LRP1: variants seen among roughly 807,000 people sequenced by gnomAD.
LRP1 encodes the protein prolow-density lipoprotein receptor-related protein 1.
A neutral mutation model predicts 541.5 loss-of-function variants in LRP1; 51 were observed. That is an observed-to-expected ratio of 0.09 (90% CI 0.08 to 0.12). The LOEUF is 0.12. LRP1 is among the 10% of genes least tolerant of loss of function. LRP1 has a pLI of 1.00. For missense variants in LRP1, 3,878 were observed against 6,376.2 expected (o/e 0.61, Z 13.34); for synonymous variants, 2,219 against 2,470.8 (o/e 0.90, Z 3.02).
chr12:57,180,177 C>T (rs374138106), intron 31 of LRP1, 36 bp downstream of exon 31: 1 of 1,602,784 alleles, frequency 6.2e-7, no homozygotes, highest in Admixed American at 1.7e-5. Context: ...CAGCCCCTCC[C>T]TAATTCCTTG....
chr12:57,195,423 C>A (rs757802785), intron 52 of LRP1, 24 bp downstream of exon 52: 3 of 1,598,958 alleles, frequency 1.9e-6, no homozygotes, highest in South Asian at 2.2e-5. Flanking sequence ...CCACGTGGAG[C>A]GGGTGGACAG....
chr12:57,138,638 G>A (rs1036902703), intron 2 of LRP1, 57 bp downstream of exon 2: 3 of 1,599,360 alleles, frequency 1.9e-6, no homozygotes, highest in African/African-American at 2.7e-5. Flanking sequence ...CTCTTCCTTT[G>A]GCAGATGTTT....
In LRP1 at chr12:57,183,591, A is replaced by G; in HGVS notation, c.5794+81A>G. ...TGTGGTGTGCCCTGAGGGTCCAGTG[A>G]GAGGCTGCCTGAATTGGCCTGAGGT... On this transcript the variant is annotated intron_variant, in intron 35 of 88. Transcript: ENST00000243077. This position sits in a 1 kb window ranked among gnomAD's most constrained non-coding sequence, Gnocchi z 6.1. 3.3e-6 allele frequency: 5 copies of G among 1,534,904 alleles called. No homozygotes were observed. The highest frequency in any genetic ancestry group is 4.4e-6 in the Non-Finnish European group (5 of 1,136,160).
intron 60 of LRP1, 57 bp downstream of exon 60, chr12:57,198,727 G>C: frequency 6.7e-7 from 1 of 1,491,686 alleles, no homozygotes; most frequent in Non-Finnish European, 9.1e-7. Flanking sequence ...ATGGAGGTCT[G>C]AAGCGACAGG....
rs774209819 is a variant in LRP1, at chr12:57,200,431, C to G, written c.10015-11C>G. ...CCCCACCAACCCCTCTTGCCCCCAC[C>G]TGCCCTCCAGTTTGTATGCAAGAAC... is the stretch of plus-strand genomic sequence containing the variant. On this transcript the variant is annotated splice_polypyrimidine_tract_variant and intron_variant, in intron 62 of 88. Coordinates refer to ENST00000243077, the MANE Select transcript of LRP1 (RefSeq NM_002332.3). 7 of 1,584,764 alleles carry G rather than the reference C, an allele frequency of 4.4e-6. No homozygotes were observed. The highest frequency in any genetic ancestry group is 6.1e-6 in the Non-Finnish European group (7 of 1,153,680).
chr12:57,204,544 G>A lies in LRP1; in HGVS notation c.11071+15G>A, dbSNP rs750799068. 1.7e-5 allele frequency: 28 copies of A among 1,605,742 alleles called. No individual in the cohort carries two copies. The highest frequency in any genetic ancestry group is 1.7e-4 in the Middle Eastern group (1 of 6,036). ...CGAGGAGTGTGGTGAGATTTGGGGC[G>A]GGGCTCCCAGGCTTCCCAGTGGCCA... On this transcript the variant is annotated intron_variant, in intron 71 of 88. Coordinates refer to ENST00000243077, the MANE Select transcript of LRP1 (RefSeq NM_002332.3). The surrounding 1 kb of genome is among the most constrained non-coding windows in gnomAD (Gnocchi z 5.3).
chr12:57,134,354 A>C (rs1429242483), intron 1 of LRP1, among the ~76,000 whole-genome samples: 4 of 151,930 alleles, frequency 2.6e-5, no homozygotes, highest in Non-Finnish European at 5.9e-5. Flanking sequence ...CTCCTCTCTG[A>C]GGAGCCCTGA....
chr12:57,185,646 G>C lies in LRP1; in HGVS notation c.6579G>C (p.Ser2193=). Residue 2193 remains serine (S), a synonymous_variant, in exon 41 of 89, where the codon TCG becomes TCC. Transcript: ENST00000243077. This position sits in a 1 kb window ranked among gnomAD's most constrained non-coding sequence, Gnocchi z 4.9. ...GGATGCTGGCTGAAGACGGAGCATC[G>C]TGCCGCGAGTATGCCGGCTACCTGC... ...AHGMLAEDGA[S]CREYAGYLLY... is the part of the protein sequence containing the mutation. 6.2e-7 allele frequency: 1 copy of C among 1,612,732 alleles called. No individual in the cohort carries two copies. The highest frequency in any genetic ancestry group is 1.1e-5 in the South Asian group (1 of 91,080).
chr12:57,148,972 T>C (rs900181589), intron 6 of LRP1: 3 of 616,640 alleles, frequency 4.9e-6, no homozygotes, highest in Non-Finnish European at 8.8e-6. Flanking sequence ...TATTTATTTA[T>C]TTTTTTAGTG....
At position 57,202,543 on chromosome 12, in the gene LRP1, T is replaced by TTGGGG; in HGVS notation, c.10711+6_10711+7insTGGGG. The TTGGGG allele has an allele frequency of 1.7e-5, 26 of 1,523,386 alleles. No individual in the cohort carries two copies. The highest frequency in any genetic ancestry group is 2.0e-5 in the Non-Finnish European group (23 of 1,124,616). The allele number at this position is 1,523,386 out of a possible 1,614,324, so 94.4% of individuals were successfully genotyped here. A position where few individuals can be genotyped will look rare whatever the true frequency, so the allele number is the denominator to read the frequency against. ...CTCCGATGAAGAGAGCTGCAGTACGTCCCCACCCACCCAGCCCCGCATGAG... is the reference window on the plus strand; with the variant it reads ...CTCCGATGAAGAGAGCTGCAGTACGTTGGGGCCCCACCCACCCAGCCCCGCATGAG... On this transcript the variant is annotated splice_region_variant and intron_variant, in intron 68 of 88. Coordinates refer to ENST00000243077, the MANE Select transcript of LRP1 (RefSeq NM_002332.3).
In LRP1 at chr12:57,211,887, C is replaced by T; in HGVS notation, c.13259-40C>T. The T allele has an allele frequency of 6.2e-7, 1 of 1,613,650 alleles. No homozygotes were observed. The highest frequency in any genetic ancestry group is 8.5e-7 in the Non-Finnish European group (1 of 1,179,658). On this transcript the variant is annotated intron_variant, in intron 86 of 88. Transcript: ENST00000243077. This position sits in a 1 kb window ranked among gnomAD's most constrained non-coding sequence, Gnocchi z 4.3. Reference sequence around the variant, plus strand: ...GGGGGACCGTGTGCCTCCTGCTTCCCTGAGCCTTGGTGACTCAGTGTCCCA... The same window carrying T: ...GGGGGACCGTGTGCCTCCTGCTTCCTTGAGCCTTGGTGACTCAGTGTCCCA...
chr12:57,202,543 T>TGGGCGC lies in LRP1; in HGVS notation c.10711+6_10711+7insGGGCGC. On this transcript the variant is annotated splice_region_variant and intron_variant, in intron 68 of 88. Transcript: ENST00000243077. ...CTCCGATGAAGAGAGCTGCAGTACG[T>TGGGCGC]CCCCACCCACCCAGCCCCGCATGAG... The TGGGCGC allele has an allele frequency of 2.6e-6, 4 of 1,523,630 alleles. No individual in the cohort carries two copies. The highest frequency in any genetic ancestry group is 3.6e-6 in the Non-Finnish European group (4 of 1,124,806). The allele number at this position is 1,523,630 out of a possible 1,614,324, so 94.4% of individuals were successfully genotyped here. A position where few individuals can be genotyped will look rare whatever the true frequency, so the allele number is the denominator to read the frequency against.
At position 57,199,301 on chromosome 12, in the gene LRP1, C is replaced by T. The variant is rs1555187271; in HGVS notation, c.9766C>T (p.Arg3256Ter). The T allele has an allele frequency of 6.2e-7, 1 of 1,613,882 alleles. No homozygotes were observed. The highest frequency in any genetic ancestry group is 8.5e-7 in the Non-Finnish European group (1 of 1,179,994). The change falls in exon 61 of 89, where the codon CGA becomes TGA. Residue 3256 changes from arginine to a stop codon, truncating the protein, a stop_gained. Transcript: ENST00000243077. LOFTEE classifies it high-confidence loss of function. ...CGACTGGGAAACAAAGTCCATTAAC[C>T]GAGCCCACAAGACCACGGGCACCAA... ...WTDWETKSIN[R>*]AHKTTGTNKT...
At chr12:57,194,057 G>A (rs1212634291) in intron 48 of LRP1, 45 bp downstream of exon 48, 7 of 1,520,770 alleles carry the variant, frequency 4.6e-6, no homozygotes, top group African/African-American at 1.4e-5. Context: ...CCTCCCCATC[G>A]CTCACTGCAT....
Position 57,211,231 on chromosome 12 carries a change from C to T in LRP1, c.12972C>T (p.Gly4324=), listed in dbSNP as rs2036907136. Residue 4324 remains glycine, a synonymous_variant, in exon 84 of 89, where the codon GGC becomes GGT. Coordinates refer to ENST00000243077, the MANE Select transcript of LRP1 (RefSeq NM_002332.3). This position sits in a 1 kb window ranked among gnomAD's most constrained non-coding sequence, Gnocchi z 4.3. The stretch of plus-strand genomic sequence containing the variant: ...GCACATGCCAGATGGCTGCTGATGG[C>T]TCCCGACAATGCCGCTGCACTGCCT... ...NFGTCQMAAD[G]SRQCRCTAYF... 2 of 1,614,240 alleles carry T rather than the reference C, an allele frequency of 1.2e-6. No individual in the cohort carries two copies. Among genetic ancestry groups the T allele is most frequent in the Non-Finnish European group, 1.7e-6 (2 of 1,180,048 alleles).
At chr12:57,207,888 C>T (rs562367590) in intron 76 of LRP1, 150 bp from the exon 77 acceptor site, 88 of 825,488 alleles carry the variant, frequency 1.1e-4, no homozygotes, top group African/African-American at 9.4e-4. Flanking sequence ...GCGAGTCTGG[C>T]GCATAAGCTC....
At position 57,196,075 on chromosome 12, in the gene LRP1, G is replaced by T. The variant is rs772728035; in HGVS notation, c.8702-12G>T. 2.5e-6 allele frequency: 4 copies of T among 1,609,616 alleles called. No homozygotes were observed. The highest frequency in any genetic ancestry group is 2.5e-6 in the Non-Finnish European group (3 of 1,177,136). On this transcript the variant is annotated splice_polypyrimidine_tract_variant and intron_variant, in intron 54 of 88. Transcript: ENST00000243077. ...GAGACCCCGCTGACCTGCCGCCTCCGCCCCTCCGCAGAGCACAAGTGCAAT... is the reference window on the plus strand; with the variant it reads ...GAGACCCCGCTGACCTGCCGCCTCCTCCCCTCCGCAGAGCACAAGTGCAAT...
At chr12:57,193,531 T>C in intron 46 of LRP1, 35 bp from the exon 47 acceptor site, 1 of 1,606,412 alleles carries the variant, frequency 6.2e-7, no homozygotes, top group South Asian at 1.1e-5. Flanking sequence ...TCCCTGTGCC[T>C]GTGGCTGACA....
chr12:57,129,173 T>C (rs2034984741), intron 1 of LRP1, 142 bp downstream of exon 1: 1 of 891,492 alleles, frequency 1.1e-6, no homozygotes, highest in Non-Finnish European at 1.7e-6. Context: ...GCGGCCCGAC[T>C]GGGGGCGGGG....
Sources: gnomAD v4.1 joint callset for allele counts (sites outside exome capture counted in the v4.1 genomes callset) on GRCh38, gnomAD v4.1.1 for gene constraint, Gnocchi (gnomAD v3.1) non-coding constraint, MANE v1.5 for transcripts, NCBI Gene and HGNC (gene_info 2026-07-23, HGNC 2026-07-21) for gene names.